DPP10: variants seen among roughly 807,000 people sequenced by gnomAD.
DPP10 encodes the protein inactive dipeptidyl peptidase 10.
In DPP10, 33 loss-of-function variants were observed where a neutral mutation model predicts 120.9. The observed-to-expected ratio is 0.27, with a 90% CI of 0.21 to 0.37. The LOEUF (loss-of-function observed/expected upper bound fraction) is 0.37. Among genes scored for constraint, DPP10 ranks in the 10% least tolerant of loss-of-function variants. The pLI is 1.00. For synonymous variants in DPP10, 337 were observed against 326.1 expected (o/e 1.03, Z -0.36); for missense variants, 816 against 942.8 (o/e 0.87, Z 1.76).
chr2:114,875,378 C>T (rs973565207), intron 1 of DPP10, among the ~76,000 whole-genome samples: 1 of 151,992 alleles, frequency 6.6e-6, no homozygotes, highest in Non-Finnish European at 1.5e-5. Context: ...TAGTGTGTGC[C>T]GTAATGTAAG....
chr2:115,442,615 T>C (rs1359142623), intron 3 of DPP10, among the ~76,000 whole-genome samples: 5 of 152,134 alleles, frequency 3.3e-5, no homozygotes, highest in Admixed American at 3.3e-4. Context: ...TCGAACAAGA[T>C]GCCATTTATT....
At chr2:114,725,795 A>G (rs939104810) in intron 1 of DPP10, among the ~76,000 whole-genome samples, 1 of 152,242 alleles carries the variant, frequency 6.6e-6, no homozygotes. Flanking sequence ...ATTTGGTCCA[A>G]TGCCAGTCAT....
intron 1 of DPP10, among the ~76,000 whole-genome samples, chr2:115,055,921 AAATT>A (rs142960720): frequency 0.015 from 2,232 of 152,352 alleles, 55 homozygotes; most frequent in African/African-American, 0.05. Context: ...TCACTCTTAA[AAATT>A]AATTAATCAT....
At chr2:114,676,891 T>G (rs1257696652) in intron 1 of DPP10, among the ~76,000 whole-genome samples, 1 of 152,124 alleles carries the variant, frequency 6.6e-6, no homozygotes, top group African/African-American at 2.4e-5. Flanking sequence ...TATATTTAAC[T>G]ACTATTTATT....
At chr2:114,876,675 G>A (rs546162503) in intron 1 of DPP10, among the ~76,000 whole-genome samples, 4 of 152,120 alleles carry the variant, frequency 2.6e-5, no homozygotes, top group Admixed American at 6.6e-5. Flanking sequence ...TTTGCTCAAT[G>A]TCCTCATGTA....
intron 5 of DPP10, among the ~76,000 whole-genome samples, chr2:115,604,417 C>T (rs540000104): frequency 3.3e-5 from 5 of 152,174 alleles, no homozygotes; most frequent in African/African-American, 1.2e-4. Context: ...ATTCTCATAT[C>T]TGTTATTTCT....
intron 1 of DPP10, among the ~76,000 whole-genome samples, chr2:114,859,375 A>T (rs941909131): frequency 9.2e-5 from 14 of 151,960 alleles, no homozygotes; most frequent in Non-Finnish European, 1.2e-4. Flanking sequence ...TCAAAAAAAA[A>T]AAAAAAAGAG....
At chr2:114,672,217 G>C (rs1392360659) in intron 1 of DPP10, among the ~76,000 whole-genome samples, 1 of 152,108 alleles carries the variant, frequency 6.6e-6, no homozygotes, top group Non-Finnish European at 1.5e-5. Flanking sequence ...GAGTGTCTGT[G>C]ATTTCAGTTT....
At chr2:114,635,061 A>G (rs1000730331) in intron 1 of DPP10, among the ~76,000 whole-genome samples, 1 of 151,922 alleles carries the variant, frequency 6.6e-6, no homozygotes, top group African/African-American at 2.4e-5. Context: ...ACTAGAAGTC[A>G]TATAGAAACA....
chr2:114,750,527 G>A (rs986286950), intron 1 of DPP10, among the ~76,000 whole-genome samples: 14 of 152,252 alleles, frequency 9.2e-5, no homozygotes, highest in African/African-American at 3.4e-4. Flanking sequence ...TAGAGACGGG[G>A]TTTCACCGTG....
At chr2:115,351,058 G>T (rs1334967126) in intron 3 of DPP10, among the ~76,000 whole-genome samples, 1 of 152,034 alleles carries the variant, frequency 6.6e-6, no homozygotes, top group Non-Finnish European at 1.5e-5. Context: ...CTACCAAAAA[G>T]ACCCATACAT....
chr2:115,334,018 T>C (rs1426175587), intron 2 of DPP10, among the ~76,000 whole-genome samples: 2 of 151,722 alleles, frequency 1.3e-5, no homozygotes, highest in East Asian at 1.9e-4. Flanking sequence ...CTACCTCTGA[T>C]TGGTGTACTT....
At chr2:114,508,105 A>G (rs1027255961) in intron 1 of DPP10, among the ~76,000 whole-genome samples, 1 of 150,338 alleles carries the variant, frequency 6.7e-6, no homozygotes, top group African/African-American at 2.5e-5. Flanking sequence ...TTTCTGAGGC[A>G]TAATTTACAT....
intron 21 of DPP10, among the ~76,000 whole-genome samples, chr2:115,818,213 G>A (rs1687461307): frequency 6.6e-6 from 1 of 152,080 alleles, no homozygotes; most frequent in Non-Finnish European, 1.5e-5. Flanking sequence ...TTTCATATTT[G>A]CAAGATGAAA....
intron 3 of DPP10, among the ~76,000 whole-genome samples, chr2:115,462,436 C>A (rs2074043819): frequency 6.6e-6 from 1 of 152,260 alleles, no homozygotes; most frequent in African/African-American, 2.4e-5. Flanking sequence ...AAAGTTTAAT[C>A]TTTTACTAAT....
At chr2:115,459,938 T>TATATACAC (rs66927327) in intron 3 of DPP10, among the ~76,000 whole-genome samples, 4 of 128,504 alleles carry the variant, frequency 3.1e-5, no homozygotes, top group African/African-American at 1.1e-4. Flanking sequence ...TATATATATA[T>TATATACAC]ACACACACAC....
At chr2:114,895,389 C>T (rs1204076057) in intron 1 of DPP10, among the ~76,000 whole-genome samples, 2 of 152,144 alleles carry the variant, frequency 1.3e-5, no homozygotes, top group African/African-American at 4.8e-5. Context: ...CATTTCTCAG[C>T]CTTATATTGC....
At chr2:115,521,411 G>A (rs897682471) in intron 4 of DPP10, among the ~76,000 whole-genome samples, 3 of 152,024 alleles carry the variant, frequency 2.0e-5, no homozygotes, top group African/African-American at 7.3e-5. Context: ...TTTCCTATTG[G>A]CTATCCTTCA....
At chr2:115,201,368 C>T (rs1300591178) in intron 1 of DPP10, among the ~76,000 whole-genome samples, 1 of 152,122 alleles carries the variant, frequency 6.6e-6, no homozygotes, top group Admixed American at 6.5e-5. Flanking sequence ...GAGGCTGAAG[C>T]AGGAGAATTG....
Sources: gnomAD v4.1 joint callset for allele counts (sites outside exome capture counted in the v4.1 genomes callset) on GRCh38, gnomAD v4.1.1 for gene constraint, MANE v1.5 for transcripts, NCBI Gene and HGNC (gene_info 2026-07-23, HGNC 2026-07-21) for gene names.